The following CDH22 variants were observed in gnomAD, a reference collection of about 807,000 sequenced individuals.
CDH22 encodes the protein cadherin-22.
A neutral mutation model predicts 58.4 loss-of-function variants in CDH22; 30 were observed. The ratio of observed to expected loss-of-function variants is 0.51; its 90% CI spans 0.38 to 0.70. CDH22 has a LOEUF of 0.70. Among genes scored for constraint, CDH22 ranks in the 30% least tolerant of loss-of-function variants. CDH22 has a pLI of 0.00. For synonymous variants in CDH22, 513 were observed against 558.2 expected (o/e 0.92, Z 1.14); for missense variants, 1,014 against 1,233.9 (o/e 0.82, Z 2.67).
chr20:46,212,879 T>C (rs1394340244), intron 6 of CDH22, 116 bp downstream of exon 6: 6 of 839,108 alleles, frequency 7.2e-6, no homozygotes, highest in Non-Finnish European at 9.6e-6. Context: ...CCTGGACCTC[T>C]AGAGAGAACT....
At chr20:46,181,752 C>CTTCCTTCCTTCGTTCGTTCT in intron 10 of CDH22, among the ~76,000 whole-genome samples, 4 of 26,272 alleles carry the variant, frequency 1.5e-4, no homozygotes, top group Non-Finnish European at 3.3e-4. Flanking sequence ...TCCTTCCTTC[C>CTTCCTTCCTTCGTTCGTTCT]TTCTTTCTTT....
In CDH22 at chr20:46,308,099, C is replaced by A. The variant is rs1226975361; in HGVS notation, c.-400+156G>T. Among the ~76,000 whole-genome samples the A allele has an allele frequency of 1.3e-5, 2 of 151,302 alleles. No individual in the cohort carries two copies. The highest frequency in any genetic ancestry group is 3.0e-5 in the Non-Finnish European group (2 of 67,704). Reference sequence around the variant, plus strand: ...GGCCGAGAGGAGGGGGCGCGCAGGGCCGGGCGCAGGCACCCCGGCTCCTCC... The same window carrying A: ...GGCCGAGAGGAGGGGGCGCGCAGGGACGGGCGCAGGCACCCCGGCTCCTCC... On this transcript the variant is annotated intron_variant, in intron 1 of 11. Transcript: ENST00000537909. This position sits in a 1 kb window ranked among gnomAD's most constrained non-coding sequence, Gnocchi z 4.3.
intron 1 of CDH22, among the ~76,000 whole-genome samples, chr20:46,307,577 C>T (rs2059029311): frequency 6.6e-6 from 1 of 152,192 alleles, no homozygotes; most frequent in South Asian, 2.1e-4. Flanking sequence ...CCAGCCCGCC[C>T]GACGGCCATA....
At chr20:46,194,077 G>A (rs1422208874) in intron 8 of CDH22, among the ~76,000 whole-genome samples, 2 of 152,114 alleles carry the variant, frequency 1.3e-5, no homozygotes, top group African/African-American at 4.8e-5. Context: ...TCTGGCCCTC[G>A]CTGGGTAGGC....
chr20:46,307,313 C>A (rs1295751776), intron 1 of CDH22, among the ~76,000 whole-genome samples: 1 of 152,228 alleles, frequency 6.6e-6, no homozygotes, highest in Non-Finnish European at 1.5e-5. Context: ...CAGGGCCCGA[C>A]GTTGCCAGAG....
chr20:46,252,550 G>A (rs1399376006), intron 1 of CDH22, among the ~76,000 whole-genome samples: 1 of 152,246 alleles, frequency 6.6e-6, no homozygotes, highest in African/African-American at 2.4e-5. Flanking sequence ...GGCTTAATGT[G>A]GGTGTTTACA....
At chr20:46,249,785 C>T (rs2086356942) in intron 2 of CDH22, among the ~76,000 whole-genome samples, 1 of 152,180 alleles carries the variant, frequency 6.6e-6, no homozygotes, top group African/African-American at 2.4e-5. Flanking sequence ...ACTTCAACAC[C>T]TTAACTGCTG....
At chr20:46,256,073 G>A (rs879652367) in intron 1 of CDH22, among the ~76,000 whole-genome samples, 2 of 152,296 alleles carry the variant, frequency 1.3e-5, no homozygotes, top group Middle Eastern at 3.4e-3. Context: ...GTGTGCGTGC[G>A]AACATGTGTC....
chr20:46,216,733 G>A lies in CDH22; in HGVS notation c.838+93C>T. Reference sequence around the variant, plus strand: ...GAGGGGGAAGCCCTTCTTTTGGTGGGAAGTCTAAAGGGAAGCTGGGGTCAG... The same window carrying A: ...GAGGGGGAAGCCCTTCTTTTGGTGGAAAGTCTAAAGGGAAGCTGGGGTCAG... On this transcript the variant is annotated intron_variant, in intron 5 of 11. Coordinates refer to ENST00000537909, the MANE Select transcript of CDH22 (RefSeq NM_021248.3). The surrounding 1 kb of genome is among the most constrained non-coding windows in gnomAD (Gnocchi z 5.3). 8.4e-7 allele frequency: 1 copy of A among 1,186,358 alleles called. No individual in the cohort carries two copies. Among genetic ancestry groups the A allele is most frequent in the Non-Finnish European group, 1.2e-6 (1 of 825,924 alleles). 73.5% of individuals were successfully genotyped at this position (1,186,358 alleles called of 1,614,324 possible).
intron 2 of CDH22, among the ~76,000 whole-genome samples, chr20:46,245,355 A>G (rs2086320545): frequency 2.0e-5 from 3 of 152,050 alleles, no homozygotes; most frequent in Admixed American, 6.6e-5. Context: ...CCCCGTACAC[A>G]TGCCCCTCTA....
At position 46,216,072 on chromosome 20, in the gene CDH22, G is replaced by A. The variant is rs1270891630; in HGVS notation, c.838+754C>T. Among the ~76,000 whole-genome samples, 1 of 152,200 alleles carries A rather than the reference G, an allele frequency of 6.6e-6. No individual in the cohort carries two copies. The highest frequency in any genetic ancestry group is 1.5e-5 in the Non-Finnish European group (1 of 68,024). The stretch of plus-strand genomic sequence containing the variant: ...GGCGGGGCCTAATGTGAGAGCAGCA[G>A]ACCTCAAGTAATGACTCACCCGATA... On this transcript the variant is annotated intron_variant, in intron 5 of 11. Transcript: ENST00000537909. This position sits in a 1 kb window ranked among gnomAD's most constrained non-coding sequence, Gnocchi z 5.3.
chr20:46,252,222 G>A (rs969490647), intron 1 of CDH22, among the ~76,000 whole-genome samples: 10 of 152,096 alleles, frequency 6.6e-5, no homozygotes, highest in Non-Finnish European at 1.5e-4. Context: ...GGCACCAAGG[G>A]AAGGCCCTCT....
chr20:46,185,657 C>T (rs2085819907), intron 10 of CDH22, among the ~76,000 whole-genome samples: 1 of 149,128 alleles, frequency 6.7e-6, no homozygotes, highest in African/African-American at 2.5e-5. Context: ...TGTTTGAGCC[C>T]AGGAGCTCGA....
intron 3 of CDH22, among the ~76,000 whole-genome samples, chr20:46,230,020 T>C (rs899714699): frequency 1.3e-5 from 2 of 152,104 alleles, no homozygotes; most frequent in Non-Finnish European, 2.9e-5. Flanking sequence ...TGCCGACATG[T>C]GGGAATGGTA....
At chr20:46,281,551 G>A (rs1028493473) in intron 1 of CDH22, among the ~76,000 whole-genome samples, 3 of 152,170 alleles carry the variant, frequency 2.0e-5, no homozygotes, top group Admixed American at 6.5e-5. Flanking sequence ...GCGTTGACAC[G>A]GGTCTCAAGG....
intron 1 of CDH22, among the ~76,000 whole-genome samples, chr20:46,306,113 A>C (rs543024669): frequency 5.4e-4 from 83 of 152,344 alleles, no homozygotes; most frequent in African/African-American, 2.0e-3. Context: ...TTCCTCCGGC[A>C]CTGGCCTGGG....
intron 2 of CDH22, among the ~76,000 whole-genome samples, chr20:46,249,285 C>A (rs1168693189): frequency 6.6e-6 from 1 of 152,188 alleles, no homozygotes; most frequent in Non-Finnish European, 1.5e-5. Context: ...GTCACTCCAT[C>A]CCCAGCCCTT....
chr20:46,184,128 C>T (rs368799080), intron 10 of CDH22, among the ~76,000 whole-genome samples: 40 of 150,484 alleles, frequency 2.7e-4, no homozygotes, highest in African/African-American at 7.6e-4. Flanking sequence ...GATGGAGTTT[C>T]GCTCTTGTTG....
Position 46,174,555 on chromosome 20 carries a change from G to T in CDH22, c.2438C>A (p.Ala813Asp), listed in dbSNP as rs1163718081. ...CCCGCGGTGGCCGGCGTAGAGCGCG[G>T]CCAGGGGCCGGAAGCGCGGACCCCA... The part of the protein sequence containing the change: ...SSWGPRFRPL[A>D]ALYAGHRGDD... Residue 813 changes from alanine (A) to aspartate (D), a missense_variant, in exon 12 of 12, where the codon GCC (alanine) becomes GAC (aspartate). This residue lies in a region of CDH22 where 208 missense variants were observed against 195.2 expected (regional missense o/e 1.07). Coordinates refer to ENST00000537909, the MANE Select transcript of CDH22 (RefSeq NM_021248.3). This position sits in a 1 kb window ranked among gnomAD's most constrained non-coding sequence, Gnocchi z 4.4. 1 of 1,525,800 alleles carries T rather than the reference G, an allele frequency of 6.6e-7. No individual in the cohort carries two copies. 94.5% of individuals were successfully genotyped at this position (1,525,800 alleles called of 1,614,324 possible). A position where few individuals can be genotyped will look rare whatever the true frequency, so the allele number is the denominator to read the frequency against.
Sources: gnomAD v4.1 joint callset for allele counts (sites outside exome capture counted in the v4.1 genomes callset) on GRCh38, gnomAD v4.1.1 for gene constraint, gnomAD v4.1.1 regional missense constraint, Gnocchi (gnomAD v3.1) non-coding constraint, MANE v1.5 for transcripts, NCBI Gene and HGNC (gene_info 2026-07-23, HGNC 2026-07-21) for gene names.